Variants in LRPPRC observed in about 807,000 individuals in gnomAD.
The protein encoded by LRPPRC is leucine rich pentatricopeptide repeat containing.
LRPPRC carries 120 observed loss-of-function variants against 180.3 expected under a neutral mutation model. The observed-to-expected ratio is 0.67, with a 90% CI of 0.57 to 0.77. LRPPRC has a LOEUF of 0.77. Among genes scored for constraint, LRPPRC ranks in the 30% least tolerant of loss-of-function variants. LRPPRC has a pLI of 0.00. For synonymous variants in LRPPRC, 723 were observed against 600.0 expected (o/e 1.21, Z -3.00); for missense variants, 2,012 against 1,657.2 (o/e 1.21, Z -3.72).
intron 23 of LRPPRC, among the ~76,000 whole-genome samples, chr2:43,935,299 A>G (rs540477752): frequency 1.3e-5 from 2 of 152,324 alleles, no homozygotes; most frequent in East Asian, 3.9e-4. Context: ...GTATCTCAAT[A>G]ATTTCAGATT....
In LRPPRC at chr2:43,943,739, C is replaced by T. The variant is rs767458307; in HGVS notation, c.2452G>A (p.Ala818Thr). The T allele has an allele frequency of 6.3e-5, 101 of 1,613,402 alleles. No individual in the cohort carries two copies. The highest frequency in any genetic ancestry group is 8.1e-5 in the Non-Finnish European group (96 of 1,179,502). The change falls in exon 23 of 38, where the codon GCA becomes ACA. Residue 818 changes from alanine (A) to threonine (T), a missense_variant. Ala to Thr is a moderately conservative substitution (Grantham distance 58). Coordinates refer to ENST00000260665, the MANE Select transcript of LRPPRC (RefSeq NM_133259.4). ...LHEAIVTLGL[A>T]EPSTNISFPL... ...AAACTTATGTTGGTGGATGGTTCTGCTAACCCTAGAGTCACGATGGCTTCA... is the reference window on the plus strand; with the variant it reads ...AAACTTATGTTGGTGGATGGTTCTGTTAACCCTAGAGTCACGATGGCTTCA...
chr2:43,904,801 G>T (rs1671015352), intron 31 of LRPPRC: 2 of 151,958 alleles, frequency 1.3e-5, no homozygotes, highest in African/African-American at 4.8e-5. Context: ...AAGCAATAAG[G>T]TTACATTTCC....
chr2:43,931,502 C>T (rs892125104), intron 25 of LRPPRC, among the ~76,000 whole-genome samples: 18 of 152,176 alleles, frequency 1.2e-4, no homozygotes, highest in African/African-American at 4.3e-4. Context: ...CTCTTTGCTG[C>T]CTCAGGGCCC....
intron 27 of LRPPRC, among the ~76,000 whole-genome samples, 154 bp from the exon 28 acceptor site, chr2:43,918,552 C>A (rs76401355): frequency 1.6e-3 from 242 of 152,008 alleles, no homozygotes; most frequent in Middle Eastern, 3.4e-3. Context: ...GACCCGAAGT[C>A]GAGAAGGGAA....
chr2:43,947,349 C>T lies in LRPPRC; in HGVS notation c.1987G>A (p.Glu663Lys). The change falls in exon 20 of 38, where the codon GAA (glutamate) becomes AAA (lysine). Residue 663 changes from glutamate to lysine, a missense_variant. Glu to Lys is a moderately conservative substitution (Grantham distance 56). Transcript: ENST00000260665. ...AGTGTTTCAAGTGTGGACTCCAATT[C>T]AGATGATGTAAGTTGCACAGTCTAC... Reference protein sequence around the residue: ...FQKTVQLTSSELESTLETLKA... With the variant: ...FQKTVQLTSSKLESTLETLKA... The T allele has an allele frequency of 6.3e-7, 1 of 1,591,980 alleles. No individual in the cohort carries two copies. Among genetic ancestry groups the T allele is most frequent in the South Asian group, 1.1e-5 (1 of 90,578 alleles).
chr2:43,890,462 C>T, intron 36 of LRPPRC: 2 of 378,730 alleles, frequency 5.3e-6, no homozygotes, highest in Non-Finnish European at 1.1e-5. Flanking sequence ...GCCTGTAATC[C>T]CAGCACTTTG....
At chr2:43,917,344 C>T (rs985218805) in intron 29 of LRPPRC, among the ~76,000 whole-genome samples, 1 of 151,736 alleles carries the variant, frequency 6.6e-6, no homozygotes, top group Non-Finnish European at 1.5e-5. Flanking sequence ...CCACAATGCC[C>T]GGCCTGCTTC....
At chr2:43,926,414 C>T (rs549522538) in intron 25 of LRPPRC, among the ~76,000 whole-genome samples, 2 of 152,058 alleles carry the variant, frequency 1.3e-5, no homozygotes, top group East Asian at 1.9e-4. Flanking sequence ...TTTTTTTAGA[C>T]AGAGTCTCAA....
intron 1 of LRPPRC, 22 bp downstream of exon 1, chr2:43,995,777 G>C: frequency 1.5e-6 from 2 of 1,351,762 alleles, no homozygotes; most frequent in Non-Finnish European, 1.9e-6. Context: ...AGCTTGCCTG[G>C]AGAAAGGGCC....
At chr2:43,943,207 G>C (rs1672549642) in intron 23 of LRPPRC, among the ~76,000 whole-genome samples, 1 of 151,960 alleles carries the variant, frequency 6.6e-6, no homozygotes, top group Non-Finnish European at 1.5e-5. Flanking sequence ...AACAAACTCA[G>C]TAAATCTTGC....
Position 43,934,268 on chromosome 2 carries a change from A to C in LRPPRC, c.2658T>G (p.Gly886=). The change falls in exon 25 of 38, where the codon GGT becomes GGG. Residue 886 remains glycine (G), a synonymous_variant. Coordinates refer to ENST00000260665, the MANE Select transcript of LRPPRC (RefSeq NM_133259.4). ...AGAGATCATAGAGCATCACCATTTC[A>C]CCTTGTTCTTGGCTCACAAAGTCCA... ...KAMDFVSQEQ[G]EMVMLYDLFF... The C allele has an allele frequency of 6.2e-7, 1 of 1,610,132 alleles. No individual in the cohort carries two copies. The highest frequency in any genetic ancestry group is 8.5e-7 in the Non-Finnish European group (1 of 1,176,950).
At chr2:43,953,866 T>C (rs541962070) in intron 14 of LRPPRC, among the ~76,000 whole-genome samples, 86 of 152,314 alleles carry the variant, frequency 5.6e-4, no homozygotes, top group Non-Finnish European at 9.1e-4. Flanking sequence ...ATCAAAACTC[T>C]TCTCTTAAAG....
In LRPPRC at chr2:43,900,056, C is replaced by T. The variant is rs536126248; in HGVS notation, c.3570-451G>A. On this transcript the variant is annotated intron_variant, in intron 32 of 37. Transcript: ENST00000260665. ...ACTACTGCATAAAAATAGTATTTAA[C>T]ATCTCAGGATTCTTAAAGATACTGA... 2.0e-5 allele frequency among the ~76,000 whole-genome samples: 3 copies of T among 152,256 alleles called. No individual in the cohort carries two copies. The South Asian group carries it at 6.2e-4, about 32-fold the overall frequency.
chr2:43,890,713 C>CA (rs1258053887), intron 36 of LRPPRC, among the ~76,000 whole-genome samples: 1 of 152,114 alleles, frequency 6.6e-6, no homozygotes, highest in Admixed American at 6.5e-5. Context: ...GACACCATCT[C>CA]AAAAAACAAA....
chr2:43,901,549 C>T (rs1048942505), intron 31 of LRPPRC, 25 bp from the exon 32 acceptor site: 9 of 1,491,832 alleles, frequency 6.0e-6, no homozygotes, highest in Non-Finnish European at 7.5e-6. Flanking sequence ...CAGGAGATGG[C>T]TTTTCTTATA....
At chr2:43,925,027 C>T (rs778027037) in intron 27 of LRPPRC, 40 bp downstream of exon 27, 1 of 1,170,126 alleles carries the variant, frequency 8.5e-7, no homozygotes, top group Admixed American at 1.7e-5. Context: ...CTGCCTTCAA[C>T]AGAATAAATG....
chr2:43,970,308 A>C (rs1673747427), intron 11 of LRPPRC, among the ~76,000 whole-genome samples: 2 of 152,218 alleles, frequency 1.3e-5, no homozygotes, highest in African/African-American at 4.8e-5. Context: ...AGCAGGCTCA[A>C]GAAAACCTGG....
intron 3 of LRPPRC, among the ~76,000 whole-genome samples, chr2:43,979,226 T>C (rs1397527827): frequency 1.3e-5 from 2 of 152,140 alleles, no homozygotes; most frequent in Non-Finnish European, 2.9e-5. Context: ...AATATTTTAA[T>C]ATTGTATACA....
At chr2:43,890,678 A>C (rs1313574590) in intron 36 of LRPPRC, among the ~76,000 whole-genome samples, 2 of 152,208 alleles carry the variant, frequency 1.3e-5, no homozygotes, top group Non-Finnish European at 2.9e-5. Context: ...GTGCCACTGC[A>C]CTCCAGCCTG....
Sources: gnomAD v4.1 joint callset for allele counts (sites outside exome capture counted in the v4.1 genomes callset) on GRCh38, gnomAD v4.1.1 for gene constraint, MANE v1.5 for transcripts, NCBI Gene and HGNC (gene_info 2026-07-23, HGNC 2026-07-21) for gene names.